The following TMEM167A variants were observed in gnomAD, a reference collection of about 807,000 sequenced individuals.
TMEM167A encodes transmembrane protein 167A.
A neutral mutation model predicts 11.6 loss-of-function variants in TMEM167A; 8 were observed. The ratio of observed to expected loss-of-function variants is 0.69; its 90% CI spans 0.40 to 1.24. The LOEUF is 1.24. Among genes scored for constraint, TMEM167A ranks in the 50% most tolerant of loss-of-function variants. TMEM167A has a pLI of 0.01. For missense variants in TMEM167A, 62 were observed against 87.0 expected (o/e 0.71, Z 1.14); for synonymous variants, 22 against 28.0 (o/e 0.79, Z 0.67).
chr5:83,073,132 G>C (rs79931230), intron 1 of TMEM167A, among the ~76,000 whole-genome samples: 70 of 152,310 alleles, frequency 4.6e-4, no homozygotes, highest in African/African-American at 1.6e-3. Context: ...TTAAATCTTA[G>C]CTCTGCTATT....
At chr5:83,058,924 G>T (rs1430719023) in intron 3 of TMEM167A, among the ~76,000 whole-genome samples, 3 of 152,048 alleles carry the variant, frequency 2.0e-5, no homozygotes, top group Non-Finnish European at 4.4e-5. Context: ...ATGATAAGAT[G>T]ATTTGGCTAG....
intron 3 of TMEM167A, among the ~76,000 whole-genome samples, chr5:83,060,462 A>G (rs542763421): frequency 6.6e-6 from 1 of 152,078 alleles, no homozygotes; most frequent in East Asian, 1.9e-4. Flanking sequence ...TCCAAGTGGT[A>G]TATGTACAAA....
intron 3 of TMEM167A, among the ~76,000 whole-genome samples, chr5:83,059,004 T>C (rs557846675): frequency 4.6e-5 from 7 of 152,200 alleles, no homozygotes; most frequent in South Asian, 4.1e-4. Context: ...GAGGAGCATA[T>C]GCTTGAGAAA....
intron 1 of TMEM167A, 51 bp from the exon 2 acceptor site, chr5:83,065,168 G>A: frequency 8.6e-7 from 1 of 1,168,606 alleles, no homozygotes; most frequent in Non-Finnish European, 1.2e-6. Flanking sequence ...AACTGCATAG[G>A]TAAAAAATGT....
chr5:83,069,619 TC>T (rs1744532493), intron 1 of TMEM167A, among the ~76,000 whole-genome samples: 1 of 152,090 alleles, frequency 6.6e-6, no homozygotes, highest in South Asian at 2.1e-4. Flanking sequence ...CTGATGTCTT[TC>T]CTGTTCCCAC....
chr5:83,063,351 T>C (rs959792461), intron 2 of TMEM167A, among the ~76,000 whole-genome samples: 51 of 152,212 alleles, frequency 3.4e-4, no homozygotes, highest in African/African-American at 1.2e-3. Context: ...ACTGTGTTCA[T>C]ATATAGGCTA....
intron 1 of TMEM167A, among the ~76,000 whole-genome samples, chr5:83,076,814 C>A (rs988044931): frequency 6.6e-6 from 1 of 152,314 alleles, no homozygotes; most frequent in African/African-American, 2.4e-5. Context: ...AAACCTATAG[C>A]TTGTAAAGCA....
In TMEM167A at chr5:83,074,003, T is replaced by C. The variant is rs950660560; in HGVS notation, c.3+3318A>G. ...ATTCTAATCTTCCTCCATTTAAATATACTCTATGTTGTTACCAGTTGGTTT... is the reference window on the plus strand; with the variant it reads ...ATTCTAATCTTCCTCCATTTAAATACACTCTATGTTGTTACCAGTTGGTTT... On this transcript the variant is annotated intron_variant, in intron 1 of 3. Coordinates refer to ENST00000502346, the MANE Select transcript of TMEM167A (RefSeq NM_174909.5). Among the ~76,000 whole-genome samples the C allele has an allele frequency of 2.0e-5, 3 of 152,354 alleles. No individual in the cohort carries two copies. In the Middle Eastern group the frequency reaches 0.01, roughly 518 times the overall value.
chr5:83,058,045 G>A (rs1227238883), intron 3 of TMEM167A, among the ~76,000 whole-genome samples: 1 of 152,058 alleles, frequency 6.6e-6, no homozygotes, highest in Non-Finnish European at 1.5e-5. Context: ...CTGGGTATGT[G>A]CCTGGCATCC....
At chr5:83,070,571 AT>A (rs200433300) in intron 1 of TMEM167A, among the ~76,000 whole-genome samples, 3,010 of 152,290 alleles carry the variant, frequency 0.02, 40 homozygotes, top group Non-Finnish European at 0.026. Flanking sequence ...CACAGACTTT[AT>A]TTGGCCACCA....
chr5:83,077,059 T>A (rs1364712492), intron 1 of TMEM167A, among the ~76,000 whole-genome samples: 3 of 152,202 alleles, frequency 2.0e-5, no homozygotes, highest in Admixed American at 6.5e-5. Flanking sequence ...GTAGCCAACG[T>A]GTTAAAACAC....
At chr5:83,065,521 A>G (rs541213995) in intron 1 of TMEM167A, among the ~76,000 whole-genome samples, 3 of 152,244 alleles carry the variant, frequency 2.0e-5, no homozygotes, top group African/African-American at 7.2e-5. Flanking sequence ...TCACTGTTGG[A>G]TTTTTAAAAG....
At chr5:83,062,194 C>T (rs1744416767) in intron 2 of TMEM167A, among the ~76,000 whole-genome samples, 1 of 152,084 alleles carries the variant, frequency 6.6e-6, no homozygotes, top group Non-Finnish European at 1.5e-5. Flanking sequence ...CAAAAATTTG[C>T]ATAAGGGCTT....
chr5:83,076,309 A>T (rs1280847140), intron 1 of TMEM167A, among the ~76,000 whole-genome samples: 1 of 152,234 alleles, frequency 6.6e-6, no homozygotes, highest in South Asian at 2.1e-4. Flanking sequence ...TTTTGGAAAA[A>T]CAAGCATGAC....
At chr5:83,063,725 C>G (rs990352051) in intron 2 of TMEM167A, among the ~76,000 whole-genome samples, 5 of 151,642 alleles carry the variant, frequency 3.3e-5, no homozygotes, top group African/African-American at 1.2e-4. Context: ...ACACACGAAC[C>G]CTGTTAGTTG....
intron 1 of TMEM167A, among the ~76,000 whole-genome samples, chr5:83,073,933 T>C (rs867049645): frequency 2.0e-5 from 3 of 152,226 alleles, no homozygotes; most frequent in African/African-American, 7.2e-5. Context: ...CATTCAATCA[T>C]TGTATACCTG....
intron 2 of TMEM167A, among the ~76,000 whole-genome samples, chr5:83,063,703 GCACACACA>G (rs112611185): frequency 2.6e-3 from 384 of 149,722 alleles, no homozygotes; most frequent in African/African-American, 8.6e-3. Flanking sequence ...ACTTACACAT[GCACACACA>G]CACACACACG....
rs763453880 is a variant in TMEM167A at position 83,077,262 on chromosome 5, G to C, written c.3+59C>G. The C allele has an allele frequency of 2.9e-5, 46 of 1,613,734 alleles. 1 individual carries two copies. Among genetic ancestry groups the C allele is most frequent in the African/African-American group, 6.7e-5 (5 of 74,914 alleles). ...GGCTGCCGCACAAACTCCAGCCCTA[G>C]TCTAGATCCACAACCCCTTCTCGAA... On this transcript the variant is annotated intron_variant, in intron 1 of 3. Transcript: ENST00000502346.
chr5:83,068,655 A>T (rs1170365069), intron 1 of TMEM167A, among the ~76,000 whole-genome samples: 1 of 152,150 alleles, frequency 6.6e-6, no homozygotes, highest in Non-Finnish European at 1.5e-5. Flanking sequence ...AAAATGTGGG[A>T]AAAAAACCCT....
Sources: gnomAD v4.1 joint callset for allele counts (sites outside exome capture counted in the v4.1 genomes callset) on GRCh38, gnomAD v4.1.1 for gene constraint, MANE v1.5 for transcripts, NCBI Gene and HGNC (gene_info 2026-07-23, HGNC 2026-07-21) for gene names.